CTNNA3: variants seen among roughly 807,000 people sequenced by gnomAD.
The protein encoded by CTNNA3 is catenin alpha 3.
CTNNA3 carries 76 observed loss-of-function variants against 95.7 expected under a neutral mutation model. That is an observed-to-expected ratio of 0.79 (90% CI 0.66 to 0.96). CTNNA3 has a LOEUF of 0.96. CTNNA3 is among the 40% of genes least tolerant of loss of function. CTNNA3 has a pLI of 0.00. For missense variants in CTNNA3, 1,191 were observed against 1,089.8 expected, an observed-to-expected ratio of 1.09 and a Z score of -1.31; for synonymous variants, 431 against 374.4, an observed-to-expected ratio of 1.15 and a Z score of -1.74.
intron 15 of CTNNA3, among the ~76,000 whole-genome samples, chr10:66,055,470 T>A (rs1198255164): frequency 1.3e-5 from 2 of 152,196 alleles, no homozygotes; most frequent in African/African-American, 4.8e-5. Context: ...ATTTTATTTG[T>A]GGCTATTGTA....
intron 7 of CTNNA3, among the ~76,000 whole-genome samples, chr10:67,164,851 TCTAAA>T (rs1372191317): frequency 1.3e-5 from 2 of 152,072 alleles, no homozygotes; most frequent in African/African-American, 2.4e-5. Flanking sequence ...GATTAGAACA[TCTAAA>T]ATAAAAAATA....
intron 14 of CTNNA3, among the ~76,000 whole-genome samples, chr10:66,096,866 T>C (rs896131389): frequency 6.6e-6 from 1 of 152,138 alleles, no homozygotes; most frequent in Non-Finnish European, 1.5e-5. Context: ...TGCAACTTTA[T>C]GAGAACTGAC....
intron 7 of CTNNA3, among the ~76,000 whole-genome samples, chr10:66,823,722 A>G (rs1564705940): frequency 6.6e-6 from 1 of 152,242 alleles, no homozygotes. Flanking sequence ...GACACTTTAT[A>G]TGCTTTATCC....
intron 5 of CTNNA3, among the ~76,000 whole-genome samples, chr10:67,292,881 T>C (rs1839891735): frequency 1.3e-5 from 2 of 152,098 alleles, no homozygotes; most frequent in African/African-American, 2.4e-5. Flanking sequence ...CAATTAATGT[T>C]TTCTGGTAAC....
chr10:66,257,686 A>G (rs1248880428), intron 13 of CTNNA3, among the ~76,000 whole-genome samples: 4 of 152,202 alleles, frequency 2.6e-5, no homozygotes, highest in African/African-American at 9.6e-5. Context: ...TGAAACCAGA[A>G]GCATGAAAAG....
intron 15 of CTNNA3, among the ~76,000 whole-genome samples, chr10:66,043,398 CT>C (rs1385019054): frequency 2.0e-5 from 3 of 152,002 alleles, no homozygotes; most frequent in African/African-American, 4.8e-5. Context: ...TTACTCATGT[CT>C]TTTTTTAGGT....
chr10:66,957,407 T>C (rs77254143), intron 7 of CTNNA3, among the ~76,000 whole-genome samples: 1 of 29,804 alleles, frequency 3.4e-5, no homozygotes, highest in Non-Finnish European at 6.3e-5. Flanking sequence ...TATATATATA[T>C]ATATATGCAT....
At chr10:67,039,057 A>G (rs1854239667) in intron 7 of CTNNA3, among the ~76,000 whole-genome samples, 1 of 152,068 alleles carries the variant, frequency 6.6e-6, no homozygotes. Context: ...ATATCAGCAG[A>G]TATGTTCTCC....
At chr10:66,534,796 C>T (rs1415502238) in intron 10 of CTNNA3, among the ~76,000 whole-genome samples, 2 of 151,116 alleles carry the variant, frequency 1.3e-5, no homozygotes, top group Non-Finnish European at 2.9e-5. Context: ...ATACGAACTT[C>T]ATGAATTACT....
At chr10:66,783,352 A>G (rs1204253247) in intron 7 of CTNNA3, among the ~76,000 whole-genome samples, 2 of 152,162 alleles carry the variant, frequency 1.3e-5, no homozygotes, top group Non-Finnish European at 2.9e-5. Flanking sequence ...TATCTAGGCC[A>G]AAGTTCATAA....
intron 12 of CTNNA3, among the ~76,000 whole-genome samples, chr10:66,359,938 T>C: frequency 6.6e-6 from 1 of 151,906 alleles, no homozygotes; most frequent in Non-Finnish European, 1.5e-5. Context: ...GCTATTCTCC[T>C]GCCTAAGCCT....
At chr10:67,122,108 C>T (rs1165668146) in intron 7 of CTNNA3, among the ~76,000 whole-genome samples, 1 of 150,534 alleles carries the variant, frequency 6.6e-6, no homozygotes, top group Non-Finnish European at 1.5e-5. Flanking sequence ...GAGTTCTAGA[C>T]TGTCAATTAA....
At chr10:67,690,826 T>A (rs1840831151) in intron 1 of CTNNA3, among the ~76,000 whole-genome samples, 1 of 152,110 alleles carries the variant, frequency 6.6e-6, no homozygotes, top group Admixed American at 6.5e-5. Flanking sequence ...AGTTAATGAG[T>A]GCTTCCTTCA....
chr10:66,127,473 C>A (rs1439401524), intron 13 of CTNNA3, among the ~76,000 whole-genome samples: 5 of 151,974 alleles, frequency 3.3e-5, no homozygotes, highest in Admixed American at 2.0e-4. Context: ...CTCACAAATT[C>A]CAATAAAGTG....
intron 14 of CTNNA3, chr10:66,098,933 A>C (rs2081506513): frequency 6.6e-6 from 1 of 152,172 alleles, no homozygotes; most frequent in Non-Finnish European, 1.5e-5. Flanking sequence ...TTGACCACAG[A>C]CTCTAAATCA....
intron 7 of CTNNA3, among the ~76,000 whole-genome samples, chr10:67,031,538 A>G (rs1379460167): frequency 1.3e-5 from 2 of 152,212 alleles, no homozygotes; most frequent in African/African-American, 2.4e-5. Context: ...TAATGTCACT[A>G]AAAGACTGAC....
chr10:66,644,475 TTATA>T (rs201380903), intron 9 of CTNNA3, among the ~76,000 whole-genome samples: 1 of 74,918 alleles, frequency 1.3e-5, no homozygotes, highest in Non-Finnish European at 2.4e-5. Flanking sequence ...ATATATATGT[TTATA>T]TATATATATA....
chr10:66,064,052 T>C (rs769557429), intron 15 of CTNNA3, among the ~76,000 whole-genome samples: 1 of 152,018 alleles, frequency 6.6e-6, no homozygotes, highest in Non-Finnish European at 1.5e-5. Context: ...GAGGAAGAGG[T>C]TTAATTGACT....
intron 13 of CTNNA3, among the ~76,000 whole-genome samples, chr10:66,268,124 G>C (rs572444897): frequency 3.5e-4 from 53 of 152,174 alleles, no homozygotes; most frequent in Non-Finnish European, 1.8e-4. Context: ...TGATGACTAT[G>C]ATAATAAGAG....
Sources: gnomAD v4.1 joint callset for allele counts (sites outside exome capture counted in the v4.1 genomes callset) on GRCh38, gnomAD v4.1.1 for gene constraint, MANE v1.5 for transcripts, NCBI Gene and HGNC (gene_info 2026-07-23, HGNC 2026-07-21) for gene names.